SORCS1: variants seen among roughly 807,000 people sequenced by gnomAD.
The protein encoded by SORCS1 is VPS10 domain-containing receptor SorCS1.
A neutral mutation model predicts 146.1 loss-of-function variants in SORCS1; 60 were observed. The observed-to-expected ratio is 0.41, with a 90% confidence interval of 0.33 to 0.51. The LOEUF is 0.51. SORCS1 is among the 20% of genes least tolerant of loss of function. The pLI, the probability that SORCS1 is intolerant of heterozygous loss-of-function variation, is 0.21. For synonymous variants in SORCS1, 637 were observed against 584.0 expected (o/e 1.09, Z -1.31); for missense variants, 1,352 against 1,487.6 (o/e 0.91, Z 1.50).
At chr10:106,872,534 G>A (rs1304174291) in intron 2 of SORCS1, among the ~76,000 whole-genome samples, 1 of 152,152 alleles carries the variant, frequency 6.6e-6, no homozygotes, top group African/African-American at 2.4e-5. Flanking sequence ...TAATGGCTCT[G>A]GAGTTACACT....
intron 6 of SORCS1, among the ~76,000 whole-genome samples, chr10:106,729,332 G>A (rs1353773553): frequency 1.3e-5 from 2 of 152,152 alleles, no homozygotes; most frequent in Non-Finnish European, 2.9e-5. Context: ...GTCCTTCACT[G>A]CAGCATAACC....
intron 1 of SORCS1, among the ~76,000 whole-genome samples, chr10:107,066,659 T>C (rs1479846039): frequency 6.6e-6 from 1 of 152,206 alleles, no homozygotes; most frequent in Non-Finnish European, 1.5e-5. Context: ...TTTGTTGTAG[T>C]AATTTAATCA....
chr10:107,097,752 T>C (rs1031560772), intron 1 of SORCS1, among the ~76,000 whole-genome samples: 1 of 152,242 alleles, frequency 6.6e-6, no homozygotes, highest in Non-Finnish European at 1.5e-5. Context: ...GCACATCAGC[T>C]AGTGCCTGGG....
At position 106,989,680 on chromosome 10, in the gene SORCS1, G is replaced by GT. The variant is rs761689988; in HGVS notation, c.559-33101dup. 3.7e-3 allele frequency among the ~76,000 whole-genome samples: 261 copies of GT among 70,356 alleles called. 5 individuals are homozygous for GT. The highest frequency in any genetic ancestry group is 0.012 in the African/African-American group (222 of 18,696). 46.2% of individuals were successfully genotyped at this position (70,356 alleles called of 152,430 possible). A position where few individuals can be genotyped will look rare whatever the true frequency, so the allele number is the denominator to read the frequency against. On this transcript the variant is annotated intron_variant, in intron 1 of 25. Coordinates refer to ENST00000263054, the MANE Select transcript of SORCS1 (RefSeq NM_052918.5). The stretch of plus-strand genomic sequence containing the variant: ...ACTCATATTTTTTCTGTTTTTTTTT[G>GT]TTTTTTTTTTTTTTTTTTTTTTCTG...
At position 106,829,568 on chromosome 10, in the gene SORCS1, T is replaced by G. The variant is rs145243867; in HGVS notation, c.726+6A>C. The G allele has an allele frequency of 1.3e-6, 2 of 1,581,832 alleles. No homozygotes were observed. Among genetic ancestry groups the G allele is most frequent in the African/African-American group, 2.7e-5 (2 of 74,628 alleles). ...ATGAGTAGCATGCTGAATATACATT[T>G]CTTACCTTACGCTTGTTGGTAGGAC... On this transcript the variant is annotated splice_donor_region_variant and intron_variant, in intron 3 of 25. Transcript: ENST00000263054.
intron 1 of SORCS1, among the ~76,000 whole-genome samples, chr10:107,153,274 C>T (rs536106796): frequency 1.3e-4 from 20 of 152,012 alleles, no homozygotes; most frequent in African/African-American, 4.6e-4. Context: ...ACTAATATTT[C>T]GTTTTTAAGA....
At position 106,597,305 on chromosome 10, in the gene SORCS1, C is replaced by T. The variant is rs772190436; in HGVS notation, c.3265+46G>A. On this transcript the variant is annotated intron_variant, in intron 24 of 25. Coordinates refer to ENST00000263054, the MANE Select transcript of SORCS1 (RefSeq NM_052918.5). Reference sequence around the variant, plus strand: ...AGGAAGGAAGCACGGACTAGGATTCCCTTTGCCAGAGCCACCAGCCAGAAC... The same window carrying T: ...AGGAAGGAAGCACGGACTAGGATTCTCTTTGCCAGAGCCACCAGCCAGAAC... The T allele has an allele frequency of 2.9e-5, 44 of 1,500,366 alleles. No homozygotes were observed. The African/African-American group carries it at 5.1e-4, about 17-fold the overall frequency. 92.9% of individuals were successfully genotyped at this position (1,500,366 alleles called of 1,614,324 possible).
chr10:106,653,637 C>T (rs1050843291), intron 17 of SORCS1, among the ~76,000 whole-genome samples: 5 of 152,114 alleles, frequency 3.3e-5, no homozygotes, highest in Non-Finnish European at 5.9e-5. Flanking sequence ...TTTTCCAATG[C>T]GTTTAAGTCT....
intron 2 of SORCS1, among the ~76,000 whole-genome samples, chr10:106,882,095 C>A (rs969117806): frequency 6.6e-6 from 1 of 152,132 alleles, no homozygotes; most frequent in Non-Finnish European, 1.5e-5. Context: ...CCCAAGATAC[C>A]TGGAGAATGA....
At chr10:107,003,429 A>AGTGTGTGTGT (rs59467041) in intron 1 of SORCS1, among the ~76,000 whole-genome samples, 20 of 140,530 alleles carry the variant, frequency 1.4e-4, no homozygotes, top group East Asian at 2.2e-4. Flanking sequence ...AATTCCCATA[A>AGTGTGTGTGT]GTGTGTGTGT....
chr10:106,633,869 A>T (rs1564800848), intron 18 of SORCS1, among the ~76,000 whole-genome samples: 2 of 152,134 alleles, frequency 1.3e-5, no homozygotes, highest in African/African-American at 4.8e-5. Context: ...CTCTGAGAGG[A>T]TGCCCAGTCC....
chr10:107,003,495 C>T (rs1957307091), intron 1 of SORCS1, among the ~76,000 whole-genome samples: 1 of 150,290 alleles, frequency 6.7e-6, no homozygotes, highest in South Asian at 2.1e-4. Context: ...GACTCACTTC[C>T]TCTTAGCTAT....
At chr10:106,973,954 A>G (rs1955894308) in intron 1 of SORCS1, among the ~76,000 whole-genome samples, 1 of 152,244 alleles carries the variant, frequency 6.6e-6, no homozygotes, top group African/African-American at 2.4e-5. Context: ...ATAAAGATAA[A>G]GGTGATGTCC....
intron 1 of SORCS1, among the ~76,000 whole-genome samples, chr10:106,998,969 G>A (rs897740836): frequency 2.6e-5 from 4 of 152,188 alleles, no homozygotes; most frequent in Non-Finnish European, 4.4e-5. Context: ...GAAGTTTGGC[G>A]CTGAATAATT....
chr10:106,801,683 C>G (rs145855534), intron 3 of SORCS1, among the ~76,000 whole-genome samples: 4 of 151,908 alleles, frequency 2.6e-5, no homozygotes, highest in Non-Finnish European at 5.9e-5. Flanking sequence ...GCGCCCGCCA[C>G]CACGCCCGGC....
chr10:106,712,626 T>C (rs887972684), intron 6 of SORCS1, among the ~76,000 whole-genome samples: 1 of 152,170 alleles, frequency 6.6e-6, no homozygotes, highest in Admixed American at 6.5e-5. Flanking sequence ...AAATAACATA[T>C]ATGCTAAATG....
At chr10:106,874,513 A>C (rs947730609) in intron 2 of SORCS1, among the ~76,000 whole-genome samples, 1 of 152,246 alleles carries the variant, frequency 6.6e-6, no homozygotes, top group African/African-American at 2.4e-5. Context: ...CCTGCATTTT[A>C]GCATAAGAGA....
chr10:107,165,198 C>T (rs1221883958), upstream of SORCS1, among the ~76,000 whole-genome samples: 4 of 151,902 alleles, frequency 2.6e-5, no homozygotes, highest in African/African-American at 9.7e-5. The surrounding 1 kb of genome is among the most constrained non-coding windows in gnomAD (Gnocchi z 4.0). Context: ...GGCATCTTGA[C>T]CTTACCCGCA....
intron 2 of SORCS1, among the ~76,000 whole-genome samples, chr10:106,936,683 T>C (rs1953738218): frequency 6.6e-6 from 1 of 152,212 alleles, no homozygotes; most frequent in Non-Finnish European, 1.5e-5. Context: ...AGATCAGGTA[T>C]GGCCTTGATG....
Sources: gnomAD v4.1 joint callset for allele counts (sites outside exome capture counted in the v4.1 genomes callset) on GRCh38, gnomAD v4.1.1 for gene constraint, Gnocchi (gnomAD v3.1) non-coding constraint, MANE v1.5 for transcripts, NCBI Gene and HGNC (gene_info 2026-07-23, HGNC 2026-07-21) for gene names.